CHD5: variants seen among roughly 807,000 people sequenced by gnomAD.
CHD5 encodes ATP-dependent chromatin remodeler CHD5.
CHD5 carries 69 observed loss-of-function variants against 230.3 expected under a neutral mutation model. The observed-to-expected ratio is 0.30, with a 90% CI of 0.25 to 0.37. The LOEUF is 0.37. Ranked by LOEUF, CHD5 falls within the 10% of genes least tolerant of loss-of-function variation. The pLI is 1.00. For synonymous variants in CHD5, 1,064 were observed against 1,065.9 expected, an observed-to-expected ratio of 1.00 and a Z score of 0.03; for missense variants, 1,827 against 2,622.8, an observed-to-expected ratio of 0.70 and a Z score of 6.63.
Position 6,121,095 on chromosome 1 carries a change from A to G in CHD5, c.4912+10T>C. 1 of 1,578,484 alleles carries G rather than the reference A, an allele frequency of 6.3e-7. No individual in the cohort carries two copies. The highest frequency in any genetic ancestry group is 8.6e-7 in the Non-Finnish European group (1 of 1,164,128). On this transcript the variant is annotated intron_variant, in intron 33 of 41. Coordinates refer to ENST00000262450, the MANE Select transcript of CHD5 (RefSeq NM_015557.3). The surrounding 1 kb of genome is among the most constrained non-coding windows in gnomAD (Gnocchi z 4.5). ...GGCACTGGGGTGGGTGGCCTGCAAG[A>G]AGCCCCAACCTCTCGGCAGCTGCTC...
intron 33 of CHD5, among the ~76,000 whole-genome samples, chr1:6,114,253 A>C (rs1666340350): frequency 2.5e-5 from 1 of 39,648 alleles, no homozygotes; most frequent in African/African-American, 9.4e-5. Flanking sequence ...ACTCCGTCTC[A>C]AAAAAAAAAA....
intron 25 of CHD5, among the ~76,000 whole-genome samples, chr1:6,127,546 G>A (rs904530037): frequency 2.6e-5 from 4 of 152,182 alleles, no homozygotes; most frequent in African/African-American, 9.7e-5. Flanking sequence ...CAGGTGCAGG[G>A]CCGAGATGCA....
Position 6,149,278 on chromosome 1 carries a change from C to G in CHD5, c.1129G>C (p.Ala377Pro). The change falls in exon 8 of 42, where the codon GCT becomes CCT. Residue 377 changes from alanine to proline, a missense_variant. Transcript: ENST00000262450. ...LVCLDPELEK[A>P]PEGKWSCPHC... The stretch of plus-strand genomic sequence containing the variant: ...GGGCAGCTCCACTTGCCCTCGGGAG[C>G]CTTCTCCAGCTCTGGGTCCAGGCAT... 2 of 1,611,238 alleles carry G rather than the reference C, an allele frequency of 1.2e-6. No homozygotes were observed. The highest frequency in any genetic ancestry group is 1.7e-6 in the Non-Finnish European group (2 of 1,178,772).
chr1:6,159,523 A>G lies in CHD5; in HGVS notation c.208-8T>C, dbSNP rs1667134397. On this transcript the variant is annotated splice_polypyrimidine_tract_variant and splice_region_variant and intron_variant, in intron 2 of 41. Transcript: ENST00000262450. Reference sequence around the variant, plus strand: ...TAGCTCATCATTGCTCCCCTGGAAAAGAAGGGGGACAGTGAGGGCAACAGA... The same window carrying G: ...TAGCTCATCATTGCTCCCCTGGAAAGGAAGGGGGACAGTGAGGGCAACAGA... The G allele has an allele frequency of 6.3e-7, 1 of 1,593,368 alleles. No homozygotes were observed. The highest frequency in any genetic ancestry group is 1.3e-5 in the African/African-American group (1 of 74,358).
intron 7 of CHD5, among the ~76,000 whole-genome samples, chr1:6,150,783 T>C (rs1308467765): frequency 6.6e-6 from 1 of 152,152 alleles, no homozygotes; most frequent in Admixed American, 6.5e-5. Flanking sequence ...GCTCCCACCA[T>C]AGGTTCCTTG....
At chr1:6,112,417 T>A in intron 34 of CHD5, 140 bp from the exon 35 acceptor site, 1 of 1,089,630 alleles carries the variant, frequency 9.2e-7, no homozygotes, top group African/African-American at 1.6e-5. Context: ...CCCAGAAGGG[T>A]CTTAAACAAG....
intron 7 of CHD5, 125 bp downstream of exon 7, chr1:6,150,907 C>T: frequency 8.1e-7 from 1 of 1,236,250 alleles, no homozygotes; most frequent in East Asian, 2.8e-5. Context: ...CCCTGCTTCC[C>T]ACGGGGAGGT....
At chr1:6,135,080 G>A in intron 18 of CHD5, 150 bp downstream of exon 18, 2 of 1,014,260 alleles carry the variant, frequency 2.0e-6, no homozygotes, top group East Asian at 4.9e-5. Context: ...TAAAACCTGA[G>A]AAGAGGCCCC....
Position 6,126,053 on chromosome 1 carries a change from T to G in CHD5, c.4079-195A>C, listed in dbSNP as rs1666551347. 1.3e-5 allele frequency among the ~76,000 whole-genome samples: 2 copies of G among 152,158 alleles called. No homozygotes were observed. Among genetic ancestry groups the G allele is most frequent in the Non-Finnish European group, 2.9e-5 (2 of 68,038 alleles). On this transcript the variant is annotated intron_variant, in intron 26 of 41. Coordinates refer to ENST00000262450, the MANE Select transcript of CHD5 (RefSeq NM_015557.3). The surrounding 1 kb of genome is among the most constrained non-coding windows in gnomAD (Gnocchi z 5.7). ...CACGTTATACACTAAGGGTACCATGTGTACCCACACATTACACATACTGTG... is the reference window on the plus strand; with the variant it reads ...CACGTTATACACTAAGGGTACCATGGGTACCCACACATTACACATACTGTG...
chr1:6,158,066 T>G (rs1667107311), intron 3 of CHD5, among the ~76,000 whole-genome samples: 1 of 152,220 alleles, frequency 6.6e-6, no homozygotes, highest in South Asian at 2.1e-4. Flanking sequence ...CGAGCCTTGG[T>G]GTCTCTTAAA....
chr1:6,123,198 A>C (rs2871777), intron 31 of CHD5, among the ~76,000 whole-genome samples: 12 of 152,114 alleles, frequency 7.9e-5, no homozygotes, highest in African/African-American at 2.2e-4. Flanking sequence ...GAGTGACAGA[A>C]GCCAGACAGA....
In CHD5 at chr1:6,121,307, G is replaced by A. The variant is rs149154639; in HGVS notation, c.4780-70C>T. On this transcript the variant is annotated intron_variant, in intron 32 of 41. Coordinates refer to ENST00000262450, the MANE Select transcript of CHD5 (RefSeq NM_015557.3). The surrounding 1 kb of genome is among the most constrained non-coding windows in gnomAD (Gnocchi z 4.5). ...CAGGAACGGAGGGCGGGGAACGTGC[G>A]CTGGGCTGGGAACCCAGTCTCCTGG... The A allele has an allele frequency of 7.7e-4, 1,210 of 1,568,218 alleles. 10 individuals are homozygous for A. The African/African-American group carries it at 0.015, about 19-fold the overall frequency.
intron 9 of CHD5, among the ~76,000 whole-genome samples, chr1:6,147,513 A>C (rs1666929879): frequency 6.6e-6 from 1 of 152,198 alleles, no homozygotes; most frequent in Non-Finnish European, 1.5e-5. Flanking sequence ...GAAATACAAC[A>C]GCCACAAACC....
At chr1:6,118,273 G>C (rs773492028) in intron 33 of CHD5, among the ~76,000 whole-genome samples, 1 of 151,840 alleles carries the variant, frequency 6.6e-6, no homozygotes, top group South Asian at 2.1e-4. Flanking sequence ...AGCTACTTGG[G>C]AGGCTGAGGT....
chr1:6,126,935 C>T lies in CHD5; in HGVS notation c.3904-189G>A, dbSNP rs1023259875. On this transcript the variant is annotated intron_variant, in intron 25 of 41. Coordinates refer to ENST00000262450, the MANE Select transcript of CHD5 (RefSeq NM_015557.3). This position sits in a 1 kb window ranked among gnomAD's most constrained non-coding sequence, Gnocchi z 5.7. ...TAGCTTTTCTCTCCCTGCCCCTATCCAGTCAATCATTTACTTATTCATCCA... is the reference window on the plus strand; with the variant it reads ...TAGCTTTTCTCTCCCTGCCCCTATCTAGTCAATCATTTACTTATTCATCCA... 2.9e-5 allele frequency: 17 copies of T among 595,568 alleles called. No individual in the cohort carries two copies. Among genetic ancestry groups the T allele is most frequent in the Admixed American group, 6.0e-5 (2 of 33,506 alleles). 36.9% of individuals were successfully genotyped at this position (595,568 alleles called of 1,614,324 possible).
At chr1:6,123,718 C>T (rs185097007) in intron 31 of CHD5, among the ~76,000 whole-genome samples, 10 of 152,154 alleles carry the variant, frequency 6.6e-5, no homozygotes, top group Admixed American at 4.6e-4. Flanking sequence ...TGTGAGCCAC[C>T]GCGCCCAGCC....
intron 1 of CHD5, among the ~76,000 whole-genome samples, chr1:6,174,409 G>T (rs144786990): frequency 1.3e-5 from 2 of 152,086 alleles, no homozygotes; most frequent in African/African-American, 4.8e-5. Context: ...ATGGTGGATA[G>T]GTGGATGGAT....
At chr1:6,163,248 C>A (rs182862032) in intron 2 of CHD5, among the ~76,000 whole-genome samples, 337 of 152,334 alleles carry the variant, frequency 2.2e-3, no homozygotes, top group Non-Finnish European at 3.5e-3. Flanking sequence ...GCCCTCATTT[C>A]TTGGAAGCAG....
intron 30 of CHD5, 141 bp from the exon 31 acceptor site, chr1:6,124,248 G>T: frequency 1.2e-6 from 1 of 848,574 alleles, no homozygotes; most frequent in Non-Finnish European, 1.8e-6. Context: ...GGCTGGCCAA[G>T]CCAGGCCCCT....
Sources: allele counts gnomAD v4.1 joint callset (sites outside exome capture counted in the v4.1 genomes callset), GRCh38; gene constraint gnomAD v4.1.1; non-coding constraint Gnocchi (gnomAD v3.1); transcripts MANE v1.5; gene names NCBI Gene and HGNC (gene_info 2026-07-23, HGNC 2026-07-21).